The following SEMA7A variants were observed in gnomAD, a reference collection of about 807,000 sequenced individuals.
The protein encoded by SEMA7A is semaphorin 7A (JohnMiltonHagen blood group).
In SEMA7A, 21 loss-of-function variants were observed where a neutral mutation model predicts 67.5. That is an observed-to-expected ratio of 0.31 (90% CI 0.22 to 0.45). The LOEUF (loss-of-function observed/expected upper bound fraction) is 0.45, where lower values mean the gene tolerates loss of function less well. SEMA7A is among the 20% of genes least tolerant of loss of function. The pLI is 1.00. For synonymous variants in SEMA7A, 364 were observed against 368.5 expected (o/e 0.99, Z 0.14); for missense variants, 774 against 908.6 (o/e 0.85, Z 1.90).
intron 1 of SEMA7A, among the ~76,000 whole-genome samples, chr15:74,430,768 CA>C (rs962877396): frequency 5.9e-5 from 9 of 152,336 alleles, no homozygotes; most frequent in African/African-American, 1.7e-4. Flanking sequence ...CCCAAGGGGG[CA>C]AGGATTTCCA....
intron 1 of SEMA7A, among the ~76,000 whole-genome samples, chr15:74,419,758 G>A (rs377141537): frequency 1.3e-5 from 2 of 152,110 alleles, no homozygotes; most frequent in East Asian, 3.9e-4. Context: ...GGTGAAGATC[G>A]GCTCTTCCTC....
chr15:74,422,885 T>C (rs897933779), intron 1 of SEMA7A, among the ~76,000 whole-genome samples: 1 of 152,184 alleles, frequency 6.6e-6, no homozygotes, highest in Non-Finnish European at 1.5e-5. Flanking sequence ...CCCCATACTC[T>C]TGTTGTTTGT....
rs2060927618 is a variant in SEMA7A, at chr15:74,414,438, T to C, written c.1294+109A>G. 1.7e-6 allele frequency: 2 copies of C among 1,146,956 alleles called. No individual in the cohort carries two copies. Among genetic ancestry groups the C allele is most frequent in the Non-Finnish European group, 2.6e-6 (2 of 778,158 alleles). 71.0% of individuals were successfully genotyped at this position (1,146,956 alleles called of 1,614,324 possible). A position where few individuals can be genotyped will look rare whatever the true frequency, so the allele number is the denominator to read the frequency against. ...ACCCCTGACAACTCCAGTCACTCAA[T>C]TATTCCTTCCACATGTAAAGATCCA... On this transcript the variant is annotated intron_variant, in intron 10 of 13. Transcript: ENST00000261918. The surrounding 1 kb of genome is among the most constrained non-coding windows in gnomAD (Gnocchi z 4.1).
rs955678054 is a variant in SEMA7A at position 74,433,897 on chromosome 15, G to C, written c.22C>G (p.Arg8Gly). ...GCGCGCGGTGCGCTGGGGGCGGCAC[G>C]TCCGGGCGGAGGAGGCGTCATCCCG... MTPPPPG[R>G]AAPSAPRARV... The change falls in exon 1 of 14, where the codon CGT becomes GGT. Residue 8 changes from arginine to glycine, a missense_variant. Coordinates refer to ENST00000261918, the MANE Select transcript of SEMA7A (RefSeq NM_003612.5). 1 of 1,261,046 alleles carries C rather than the reference G, an allele frequency of 7.9e-7. No homozygotes were observed. The highest frequency in any genetic ancestry group is 1.6e-5 in the African/African-American group (1 of 64,204). 78.1% of individuals were successfully genotyped at this position (1,261,046 alleles called of 1,614,324 possible).
Position 74,411,096 on chromosome 15 carries a change from G to A in SEMA7A, c.1640-111C>T. The A allele has an allele frequency of 6.7e-7, 1 of 1,483,188 alleles. No homozygotes were observed. Among genetic ancestry groups the A allele is most frequent in the East Asian group, 2.3e-5 (1 of 43,948 alleles). 91.9% of individuals were successfully genotyped at this position (1,483,188 alleles called of 1,614,324 possible). On this transcript the variant is annotated intron_variant, in intron 13 of 13. Coordinates refer to ENST00000261918, the MANE Select transcript of SEMA7A (RefSeq NM_003612.5). This position sits in a 1 kb window ranked among gnomAD's most constrained non-coding sequence, Gnocchi z 4.4. ...GGACAAGGCTTCTGAATGAACGTGG[G>A]GAACCCAGCCCTCAGCGTCCTCCTT...
At chr15:74,416,437 C>T in intron 7 of SEMA7A, 138 bp downstream of exon 7, 1 of 886,010 alleles carries the variant, frequency 1.1e-6, no homozygotes, top group South Asian at 1.7e-5. Context: ...GCACACACAG[C>T]TGCTCCCACA....
intron 1 of SEMA7A, among the ~76,000 whole-genome samples, chr15:74,432,599 G>GT (rs1294985240): frequency 2.6e-5 from 4 of 151,934 alleles, no homozygotes; most frequent in East Asian, 3.9e-4. Context: ...TTTGTGTATG[G>GT]TTTTTTTTCC....
Position 74,414,977 on chromosome 15 carries a change from G to T in SEMA7A, c.987-31C>A, listed in dbSNP as rs763022501. The T allele has an allele frequency of 6.3e-7, 1 of 1,586,924 alleles. No homozygotes were observed. Among genetic ancestry groups the T allele is most frequent in the Non-Finnish European group, 8.6e-7 (1 of 1,157,348 alleles). ...GTGACATGGAGACCAGCTCAATGGGGGGCCCAGAACCCACCCATCCACCTC... is the reference window on the plus strand; with the variant it reads ...GTGACATGGAGACCAGCTCAATGGGTGGCCCAGAACCCACCCATCCACCTC... On this transcript the variant is annotated intron_variant, in intron 8 of 13. Transcript: ENST00000261918. This position sits in a 1 kb window ranked among gnomAD's most constrained non-coding sequence, Gnocchi z 4.1.
intron 10 of SEMA7A, 91 bp from the exon 11 acceptor site, chr15:74,412,103 A>G: frequency 6.6e-7 from 1 of 1,504,466 alleles, no homozygotes; most frequent in Non-Finnish European, 9.1e-7. Context: ...GGGAAGTCAC[A>G]ACTCAGGCAA....
intron 1 of SEMA7A, among the ~76,000 whole-genome samples, chr15:74,430,059 G>A (rs1165997014): frequency 6.6e-6 from 1 of 152,072 alleles, no homozygotes; most frequent in Non-Finnish European, 1.5e-5. Context: ...AAGTCTACAA[G>A]GGCACGGAAT....
intron 1 of SEMA7A, among the ~76,000 whole-genome samples, chr15:74,425,841 A>G (rs1004512560): frequency 4.6e-5 from 7 of 152,180 alleles, no homozygotes; most frequent in Admixed American, 2.6e-4. Context: ...GGATGGCTAC[A>G]TACAGCCCAC....
At chr15:74,425,209 C>T (rs904874241) in intron 1 of SEMA7A, among the ~76,000 whole-genome samples, 4 of 152,208 alleles carry the variant, frequency 2.6e-5, no homozygotes, top group African/African-American at 7.2e-5. Flanking sequence ...GATGCCCCTA[C>T]CACCCAACCC....
rs745907850 is a variant in SEMA7A at position 74,411,981 on chromosome 15, C to T, written c.1326G>A (p.Pro442=). The T allele has an allele frequency of 6.2e-6, 10 of 1,613,872 alleles. No individual in the cohort carries two copies. Among genetic ancestry groups the T allele is most frequent in the Admixed American group, 5.0e-5 (3 of 60,004 alleles). The change falls in exon 11 of 14, where the codon CCG becomes CCA. Residue 442 remains proline, a synonymous_variant. Coordinates refer to ENST00000261918, the MANE Select transcript of SEMA7A (RefSeq NM_003612.5). This position sits in a 1 kb window ranked among gnomAD's most constrained non-coding sequence, Gnocchi z 4.4. The stretch of plus-strand genomic sequence containing the variant: ...AGGCGAAGCTGTGCTCCTGCTCCCC[C>T]GGTTCCACCACCTTGTGGATAGTGC... ...DRGTIHKVVE[P]GEQEHSFAFN...
At position 74,411,005 on chromosome 15, in the gene SEMA7A, G is replaced by A. The variant is rs1422136350; in HGVS notation, c.1640-20C>T. 2 of 1,603,250 alleles carry A rather than the reference G, an allele frequency of 1.2e-6. No individual in the cohort carries two copies. Among genetic ancestry groups the A allele is most frequent in the South Asian group, 2.2e-5 (2 of 89,988 alleles). ...CCTTGTCTGGGGAGGCAGTGGGGAA[G>A]CAGCCGTGAGGAGGGACAAAGAGCT... On this transcript the variant is annotated intron_variant, in intron 13 of 13. Coordinates refer to ENST00000261918, the MANE Select transcript of SEMA7A (RefSeq NM_003612.5). This position sits in a 1 kb window ranked among gnomAD's most constrained non-coding sequence, Gnocchi z 4.4.
chr15:74,416,535 G>GCA, intron 7 of SEMA7A, 40 bp downstream of exon 7: 1 of 1,604,848 alleles, frequency 6.2e-7, no homozygotes, highest in South Asian at 1.1e-5. Context: ...GCCTATTCAT[G>GCA]CACAGACACG....
chr15:74,418,848 C>T lies in SEMA7A; in HGVS notation c.283G>A (p.Val95Ile). ...SSVWVGGRGK[V>I]YLFDFPEGKN... ...CCCTCGGGGAAGTCAAAGAGGTAGA[C>T]CTTGCCACGTCCTCCCACCCACACA... Residue 95 changes from valine to isoleucine, a missense_variant, in exon 2 of 14, where the codon GTC becomes ATC. Val to Ile is a conservative substitution (Grantham distance 29). Transcript: ENST00000261918. The T allele has an allele frequency of 1.2e-6, 2 of 1,613,892 alleles. No individual in the cohort carries two copies. The highest frequency in any genetic ancestry group is 1.7e-6 in the Non-Finnish European group (2 of 1,180,004).
intron 1 of SEMA7A, among the ~76,000 whole-genome samples, chr15:74,422,938 T>G (rs1012837513): frequency 2.6e-5 from 4 of 152,062 alleles, no homozygotes; most frequent in African/African-American, 4.8e-5. Context: ...GTGGGAGGTG[T>G]TGTTGTCCAT....
At position 74,411,930 on chromosome 15, in the gene SEMA7A, G is replaced by T; in HGVS notation, c.1377C>A (p.Phe459Leu). 6.2e-7 allele frequency: 1 copy of T among 1,614,058 alleles called. No individual in the cohort carries two copies. The highest frequency in any genetic ancestry group is 8.5e-7 in the Non-Finnish European group (1 of 1,180,050). The change falls in exon 11 of 14, where the codon TTC becomes TTA. Residue 459 changes from phenylalanine (F) to leucine (L), a missense_variant. By Grantham distance (22) the Phe-to-Leu change is conservative. This residue lies in a region of SEMA7A where 427 missense variants were observed against 555.4 expected (regional missense o/e 0.77). Coordinates refer to ENST00000261918, the MANE Select transcript of SEMA7A (RefSeq NM_003612.5). The surrounding 1 kb of genome is among the most constrained non-coding windows in gnomAD (Gnocchi z 4.4). The part of the protein sequence containing the change: ...FAFNIMEIQP[F>L]RRAAAIQTMS... ...TGGTCTGGATGGCAGCCGCGCGGCG[G>T]AAGGGCTGGATCTCCATGATGTTGA...
rs1567072303 is a variant in SEMA7A, at chr15:74,415,985, CCTGGAAGGGT to C, written c.802-10_802-1del. The C allele has an allele frequency of 1.9e-6, 3 of 1,613,848 alleles. No homozygotes were observed. Among genetic ancestry groups the C allele is most frequent in the Non-Finnish European group, 2.5e-6 (3 of 1,179,832 alleles). ...AGTGAACTTTCCCCACCCTGGTCCC[CCTGGAAGGGT>C]AGAGGGGAGAAGAGGCCCCTCAGCA... On this transcript the variant is annotated splice_acceptor_variant and splice_polypyrimidine_tract_variant and intron_variant, in intron 7 of 13. Transcript: ENST00000261918. LOFTEE classifies it high-confidence loss of function.
Sources: allele counts gnomAD v4.1 joint callset (sites outside exome capture counted in the v4.1 genomes callset), GRCh38; gene constraint gnomAD v4.1.1; regional missense constraint gnomAD v4.1.1; non-coding constraint Gnocchi (gnomAD v3.1); transcripts MANE v1.5; gene names NCBI Gene and HGNC (gene_info 2026-07-23, HGNC 2026-07-21).